Variants in PTPRM observed in about 807,000 individuals in gnomAD.
PTPRM encodes the protein protein tyrosine phosphatase receptor type M.
In PTPRM, 47 loss-of-function variants were observed where a neutral mutation model predicts 186.7. That is an observed-to-expected ratio of 0.25 (90% confidence interval 0.20 to 0.32). The LOEUF is 0.32. Ranked by LOEUF, PTPRM falls within the 10% of genes least tolerant of loss-of-function variation. PTPRM has a pLI of 1.00. For missense variants in PTPRM, 1,494 were observed against 1,865.0 expected (o/e 0.80, Z 3.66); for synonymous variants, 668 against 674.9 (o/e 0.99, Z 0.16).
intron 1 of PTPRM, among the ~76,000 whole-genome samples, chr18:7,727,075 G>A (rs10853357): frequency 0.39 from 58,563 of 151,824 alleles, 12,779 homozygotes; most frequent in East Asian, 0.83. Context: ...AGTTCTTCCT[G>A]TCAATTAGAG....
chr18:7,687,896 G>C (rs62089832), intron 1 of PTPRM, among the ~76,000 whole-genome samples: 2,323 of 151,526 alleles, frequency 0.015, 26 homozygotes, highest in Non-Finnish European at 0.024. Context: ...TCCTGCTTCA[G>C]CCTCCCGAAT....
rs1305587755 is a variant in PTPRM at position 8,252,474 on chromosome 18, T to G, written c.2555-14T>G. ...TCTCCTCCTTTTTTCTCCTGATATG[T>G]ATCTTCTTAAAAGTGCCAATAAATG... On this transcript the variant is annotated splice_polypyrimidine_tract_variant and intron_variant, in intron 17 of 32. Coordinates refer to ENST00000580170, the MANE Select transcript of PTPRM (RefSeq NM_001105244.2). The G allele has an allele frequency of 6.5e-7, 1 of 1,537,528 alleles. No individual in the cohort carries two copies. Among genetic ancestry groups the G allele is most frequent in the Non-Finnish European group, 9.0e-7 (1 of 1,110,460 alleles).
chr18:8,332,691 G>A (rs2095418295), intron 22 of PTPRM, among the ~76,000 whole-genome samples: 1 of 152,168 alleles, frequency 6.6e-6, no homozygotes, highest in African/African-American at 2.4e-5. Flanking sequence ...TGGGCAAACA[G>A]CAAGTACCCG....
rs2036468106 is a variant in PTPRM at position 7,567,968 on chromosome 18, T to A, written c.73+77T>A. 7.1e-7 allele frequency: 1 copy of A among 1,411,358 alleles called. No individual in the cohort carries two copies. The highest frequency in any genetic ancestry group is 9.3e-7 in the Non-Finnish European group (1 of 1,071,380). The allele number at this position is 1,411,358 out of a possible 1,614,324, so 87.4% of individuals were successfully genotyped here. A position where few individuals can be genotyped will look rare whatever the true frequency, so the allele number is the denominator to read the frequency against. On this transcript the variant is annotated intron_variant, in intron 1 of 32. Transcript: ENST00000580170. The surrounding 1 kb of genome is among the most constrained non-coding windows in gnomAD (Gnocchi z 4.3). ...GCCCGGGACGCCGACAGCTCCCTGG[T>A]GGTAGAGCCCTAAGGCTGGCGTCGG...
intron 2 of PTPRM, among the ~76,000 whole-genome samples, chr18:7,849,088 C>T (rs2046739340): frequency 6.6e-6 from 1 of 152,090 alleles, no homozygotes; most frequent in African/African-American, 2.4e-5. Flanking sequence ...TGGCATCTGC[C>T]TCGTTAATTT....
At chr18:7,984,960 T>C (rs1371453284) in intron 7 of PTPRM, among the ~76,000 whole-genome samples, 2 of 119,430 alleles carry the variant, frequency 1.7e-5, no homozygotes, top group African/African-American at 7.9e-5. Context: ...TATATAATTA[T>C]ATACATATAA....
rs117968592 is a variant in PTPRM at position 7,953,918 on chromosome 18, G to A, written c.839-1203G>A. 8.2e-3 allele frequency among the ~76,000 whole-genome samples: 1,248 copies of A among 152,270 alleles called. 7 individuals carry two copies. Among genetic ancestry groups the A allele is most frequent in the South Asian group, 0.033 (157 of 4,816 alleles). On this transcript the variant is annotated intron_variant, in intron 6 of 32. Coordinates refer to ENST00000580170, the MANE Select transcript of PTPRM (RefSeq NM_001105244.2). ...ATTTTATTTTTCCGTGCATTTGTAT[G>A]AGCAAAATGAGGAGTTAAAAACAGA... is the stretch of plus-strand genomic sequence containing the variant.
chr18:7,705,052 G>A (rs1303653360), intron 1 of PTPRM, among the ~76,000 whole-genome samples: 1 of 152,024 alleles, frequency 6.6e-6, no homozygotes, highest in African/African-American at 2.4e-5. Context: ...TGAAAATAAA[G>A]TAAATGTGAA....
At chr18:8,309,785 C>T (rs978431960) in intron 20 of PTPRM, among the ~76,000 whole-genome samples, 4 of 152,316 alleles carry the variant, frequency 2.6e-5, no homozygotes, top group Non-Finnish European at 5.9e-5. Flanking sequence ...CCTCCTGCCT[C>T]GGCCTCCCAA....
chr18:8,344,966 G>T (rs1432689019), intron 23 of PTPRM, among the ~76,000 whole-genome samples: 2 of 152,144 alleles, frequency 1.3e-5, no homozygotes, highest in East Asian at 1.9e-4. Flanking sequence ...CAGGGAATTG[G>T]CAAGGAAGTT....
At chr18:8,025,719 G>A (rs1038523478) in intron 7 of PTPRM, among the ~76,000 whole-genome samples, 5 of 152,186 alleles carry the variant, frequency 3.3e-5, no homozygotes, top group African/African-American at 1.2e-4. Context: ...TGAGGTCAAA[G>A]ATTTTCAAGG....
At chr18:7,775,153 G>A (rs548018851) in intron 2 of PTPRM, among the ~76,000 whole-genome samples, 1 of 152,324 alleles carries the variant, frequency 6.6e-6, no homozygotes, top group East Asian at 1.9e-4. Flanking sequence ...GTGAAGTAGA[G>A]TTTAATGTTG....
intron 2 of PTPRM, among the ~76,000 whole-genome samples, chr18:7,853,721 A>G (rs2046972064): frequency 6.6e-6 from 1 of 152,226 alleles, no homozygotes; most frequent in Non-Finnish European, 1.5e-5. Flanking sequence ...ATGTGAACAC[A>G]ACCTATTCTT....
chr18:8,303,973 T>C (rs1212622734), intron 20 of PTPRM, among the ~76,000 whole-genome samples: 1 of 152,192 alleles, frequency 6.6e-6, no homozygotes, highest in Non-Finnish European at 1.5e-5. Context: ...AATCCATTAT[T>C]TGCAGAAATC....
At chr18:8,133,490 G>A (rs973514774) in intron 13 of PTPRM, among the ~76,000 whole-genome samples, 38 of 152,286 alleles carry the variant, frequency 2.5e-4, no homozygotes, top group Middle Eastern at 3.4e-3. Context: ...GTTAAGTTCT[G>A]TGCAAGAGGG....
intron 1 of PTPRM, among the ~76,000 whole-genome samples, chr18:7,683,519 T>A (rs889850529): frequency 6.6e-6 from 1 of 152,058 alleles, no homozygotes; most frequent in Non-Finnish European, 1.5e-5. Flanking sequence ...TCTTTCTTCA[T>A]CTTCAGTGAC....
chr18:7,711,661 A>G (rs376273641), intron 1 of PTPRM, among the ~76,000 whole-genome samples: 82 of 152,286 alleles, frequency 5.4e-4, no homozygotes, highest in African/African-American at 1.5e-3. Flanking sequence ...GGCATCTGCC[A>G]TTACTGAGGT....
intron 2 of PTPRM, among the ~76,000 whole-genome samples, chr18:7,795,716 C>T (rs1383706397): frequency 6.6e-6 from 1 of 151,858 alleles, no homozygotes; most frequent in Non-Finnish European, 1.5e-5. Context: ...TTTGAATGAA[C>T]ACATACTAGT....
intron 1 of PTPRM, among the ~76,000 whole-genome samples, chr18:7,648,197 C>T (rs184111039): frequency 6.6e-5 from 10 of 152,174 alleles, no homozygotes; most frequent in Admixed American, 3.9e-4. Flanking sequence ...TTTGGGATGC[C>T]ATGAACCGTG....
Sources: gnomAD v4.1 joint callset for allele counts (sites outside exome capture counted in the v4.1 genomes callset) on GRCh38, gnomAD v4.1.1 for gene constraint, Gnocchi (gnomAD v3.1) non-coding constraint, MANE v1.5 for transcripts, NCBI Gene and HGNC (gene_info 2026-07-23, HGNC 2026-07-21) for gene names.